Variants in TCAF1 observed in about 807,000 individuals in gnomAD.
TCAF1 encodes TRPM8 channel associated factor 1, also known as TRPM8 channel-associated factor 1.
In TCAF1, 4 loss-of-function variants were observed where a neutral mutation model predicts 27.3. The ratio of observed to expected loss-of-function variants is 0.15; its 90% CI spans 0.07 to 0.34. The LOEUF (loss-of-function observed/expected upper bound fraction) is 0.34. Ranked by LOEUF, TCAF1 falls within the 10% of genes least tolerant of loss-of-function variation. The probability of loss-of-function intolerance (pLI) is 1.00; values close to 1 mark genes in which losing one functional copy is unlikely to be tolerated. For missense variants in TCAF1, 257 were observed against 425.8 expected, an observed-to-expected ratio of 0.60 and a Z score of 3.49; for synonymous variants, 105 against 167.1, an observed-to-expected ratio of 0.63 and a Z score of 2.87.
intron 1 of TCAF1, among the ~76,000 whole-genome samples, chr7:143,891,381 A>C (rs1320619444): frequency 1.3e-5 from 2 of 152,188 alleles, no homozygotes; most frequent in African/African-American, 2.4e-5. Flanking sequence ...TTCATACGTT[A>C]AGAAATTAGA....
chr7:143,901,578 G>A (rs1028139931), intron 1 of TCAF1, among the ~76,000 whole-genome samples: 1 of 152,112 alleles, frequency 6.6e-6, no homozygotes, highest in African/African-American at 2.4e-5. Context: ...CTAGAGCACT[G>A]GGGTGGATGA....
intron 2 of TCAF1, among the ~76,000 whole-genome samples, chr7:143,871,284 A>C (rs1400071535): frequency 8.3e-5 from 12 of 145,442 alleles, no homozygotes; most frequent in African/African-American, 2.3e-4. Flanking sequence ...CTAAAAAAAA[A>C]CTGATGGGCT....
chr7:143,897,483 A>G (rs1329012596), intron 1 of TCAF1, among the ~76,000 whole-genome samples: 2 of 151,984 alleles, frequency 1.3e-5, no homozygotes, highest in African/African-American at 4.8e-5. Context: ...TAAGACTTCC[A>G]CTCATTAGTA....
intron 1 of TCAF1, among the ~76,000 whole-genome samples, chr7:143,892,788 T>C (rs1009196008): frequency 1.2e-4 from 18 of 152,134 alleles, no homozygotes; most frequent in African/African-American, 4.3e-4. Flanking sequence ...GGGATTAGTA[T>C]CTTTATAAGA....
chr7:143,882,465 G>T, intron 1 of TCAF1: 1 of 985,398 alleles, frequency 1.0e-6, no homozygotes, highest in South Asian at 4.7e-5. Context: ...ACAAACATCA[G>T]ATGTCAGAAC....
chr7:143,886,444 C>A, intron 1 of TCAF1: 2 of 932,094 alleles, frequency 2.1e-6, no homozygotes, highest in Non-Finnish European at 2.6e-6. Flanking sequence ...TTCAACTGCT[C>A]CAACTACAGG....
intron 1 of TCAF1, among the ~76,000 whole-genome samples, chr7:143,899,820 A>G (rs1012034231): frequency 6.6e-6 from 1 of 152,232 alleles, no homozygotes; most frequent in Non-Finnish European, 1.5e-5. Flanking sequence ...AAACAATCCA[A>G]TACAAAAATG....
At position 143,876,396 on chromosome 7, in the gene TCAF1, G is replaced by T. The variant is rs1325741865; in HGVS notation, c.213C>A (p.Ala71=). 1.2e-6 allele frequency: 2 copies of T among 1,614,016 alleles called. No homozygotes were observed. Among genetic ancestry groups the T allele is most frequent in the Non-Finnish European group, 8.5e-7 (1 of 1,179,948 alleles). Residue 71 remains alanine, a synonymous_variant, in exon 2 of 9, where the codon GCC becomes GCA. Coordinates refer to ENST00000479870, the MANE Select transcript of TCAF1 (RefSeq NM_014719.3). ...CGTTCAGGAGAAAGGGCGTGAGCTG[G>T]GCTTCCACCAAGTAGTCCTCATGGG... ...VVSHEDYLVE[A]QLTPFLLNAV...
intron 1 of TCAF1, among the ~76,000 whole-genome samples, chr7:143,895,556 T>A (rs1280977618): frequency 6.6e-6 from 1 of 151,754 alleles, no homozygotes; most frequent in East Asian, 1.9e-4. Flanking sequence ...TATATCCTGA[T>A]AGGACCATAT....
At chr7:143,885,714 A>C (rs1235546542) in intron 1 of TCAF1, among the ~76,000 whole-genome samples, 4 of 151,962 alleles carry the variant, frequency 2.6e-5, no homozygotes, top group Non-Finnish European at 5.9e-5. Flanking sequence ...TTTTAAAATA[A>C]ACATCTAACA....
chr7:143,894,922 T>C (rs1813804130), intron 1 of TCAF1, among the ~76,000 whole-genome samples: 1 of 151,574 alleles, frequency 6.6e-6, no homozygotes, highest in South Asian at 2.1e-4. Context: ...ACAAAATACA[T>C]GTGCAGGTGC....
intron 1 of TCAF1, among the ~76,000 whole-genome samples, chr7:143,896,903 T>C (rs1162068933): frequency 6.6e-6 from 1 of 150,606 alleles, no homozygotes; most frequent in Non-Finnish European, 1.5e-5. Flanking sequence ...CAGAAAAAAT[T>C]CAAAGAAAGA....
At chr7:143,890,545 G>A (rs901302636) in intron 1 of TCAF1, among the ~76,000 whole-genome samples, 8 of 152,130 alleles carry the variant, frequency 5.3e-5, no homozygotes, top group Non-Finnish European at 7.4e-5. Context: ...CAAAATATAG[G>A]AAACCAACTG....
rs1410070463 is a variant in TCAF1 at position 143,876,542 on chromosome 7, C to A, written c.67G>T (p.Asp23Tyr). The A allele has an allele frequency of 2.6e-6, 4 of 1,546,262 alleles. No homozygotes were observed. Among genetic ancestry groups the A allele is most frequent in the Middle Eastern group, 1.7e-4 (1 of 5,746 alleles). The change falls in exon 2 of 9, where the codon GAT becomes TAT. Residue 23 changes from aspartate (D) to tyrosine (Y), a missense_variant. This residue lies in a region of TCAF1 where 255 missense variants were observed against 260.1 expected (regional missense o/e 0.98). Transcript: ENST00000479870. ...AGAAGCAGTTCACATGGAACAGCAT[C>A]TTCGGGTACATCCCAGCTTGTCACA... ...NGVTSWDVPE[D>Y]AVPCELLLIG...
intron 7 of TCAF1, 132 bp downstream of exon 7, chr7:143,858,692 G>T: frequency 1.6e-6 from 1 of 615,088 alleles, no homozygotes; most frequent in East Asian, 2.8e-5. Context: ...GACTTTGTCA[G>T]GGCCTCCCAT....
intron 1 of TCAF1, chr7:143,884,976 T>G (rs1813316779): frequency 2.9e-5 from 29 of 985,232 alleles, no homozygotes; most frequent in Non-Finnish European, 3.0e-5. Context: ...AGGCAACCCT[T>G]TTTGAAAGAC....
chr7:143,853,093 CTTT>C lies in TCAF1; in HGVS notation c.*1037_*1039del, dbSNP rs1036615003. The C allele has an allele frequency of 2.0e-5, 3 of 151,348 alleles. No homozygotes were observed. Among genetic ancestry groups the C allele is most frequent in the African/African-American group, 7.3e-5 (3 of 41,072 alleles). 9.4% of individuals were successfully genotyped at this position (151,348 alleles called of 1,614,324 possible). On this transcript the variant is annotated 3_prime_UTR_variant, in exon 9 of 9. Coordinates refer to ENST00000479870, the MANE Select transcript of TCAF1 (RefSeq NM_014719.3). ...TCTCAGTCTTCTCTTTCTTTTCTTGCTTTTTAAGAGACAGGGTCTCACTCTGTC... is the reference window on the plus strand; with the variant it reads ...TCTCAGTCTTCTCTTTCTTTTCTTGCTTAAGAGACAGGGTCTCACTCTGTC...
At chr7:143,893,046 T>G (rs965305853) in intron 1 of TCAF1, among the ~76,000 whole-genome samples, 8 of 152,132 alleles carry the variant, frequency 5.3e-5, no homozygotes, top group Admixed American at 3.3e-4. Context: ...AAGAGTTCAT[T>G]TAGAAGAGAA....
chr7:143,882,627 A>ACCCCCC, intron 1 of TCAF1: 2 of 974,882 alleles, frequency 2.1e-6, no homozygotes, highest in Non-Finnish European at 2.4e-6. Context: ...CGCGCCCCGC[A>ACCCCCC]CCCCCGCCCC....
Sources: gnomAD v4.1 joint callset for allele counts (sites outside exome capture counted in the v4.1 genomes callset) on GRCh38, gnomAD v4.1.1 for gene constraint, gnomAD v4.1.1 regional missense constraint, MANE v1.5 for transcripts, NCBI Gene and HGNC (gene_info 2026-07-23, HGNC 2026-07-21) for gene names.